The following RAB6B variants were observed in gnomAD, a reference collection of about 807,000 sequenced individuals.
RAB6B encodes the protein ras-related protein Rab-6B.
A neutral mutation model predicts 31.2 loss-of-function variants in RAB6B; 7 were observed. That is an observed-to-expected ratio of 0.22 (90% confidence interval 0.13 to 0.42). RAB6B has a LOEUF of 0.42. Ranked by LOEUF, RAB6B falls within the 10% of genes least tolerant of loss-of-function variation. The pLI, the probability that RAB6B is intolerant of heterozygous loss-of-function variation, is 1.00. For missense variants in RAB6B, 149 were observed against 280.6 expected (o/e 0.53, Z 3.35); for synonymous variants, 105 against 104.9 (o/e 1.00, Z -0.01).
At chr3:133,864,207 TAACCATTACAACCA>T (rs1559908253) in intron 2 of RAB6B, among the ~76,000 whole-genome samples, 235 of 151,620 alleles carry the variant, frequency 1.5e-3, no homozygotes, top group African/African-American at 5.6e-3. Flanking sequence ...CCAGCAAACA[TAACCATTACAACCA>T]TGCATGAGGC....
intron 4 of RAB6B, 88 bp downstream of exon 4, chr3:133,841,197 C>T (rs1321408001): frequency 7.4e-6 from 9 of 1,210,754 alleles, no homozygotes; most frequent in Non-Finnish European, 1.1e-5. Flanking sequence ...TGCGTGTGCA[C>T]ACACATGCAC....
At chr3:133,871,181 G>C (rs1345005904) in intron 1 of RAB6B, among the ~76,000 whole-genome samples, 2 of 152,250 alleles carry the variant, frequency 1.3e-5, no homozygotes, top group East Asian at 3.8e-4. Flanking sequence ...AATTTGTAGT[G>C]ACAAAGCAGA....
chr3:133,895,322 G>T, intron 1 of RAB6B, 75 bp downstream of exon 1: 2 of 1,490,042 alleles, frequency 1.3e-6, no homozygotes, highest in Non-Finnish European at 1.9e-6. Context: ...CTGGGCCGGG[G>T]GTCCCAATGG....
chr3:133,858,240 C>A (rs1026239161), intron 2 of RAB6B, among the ~76,000 whole-genome samples: 5 of 152,236 alleles, frequency 3.3e-5, no homozygotes, highest in African/African-American at 1.2e-4. Flanking sequence ...AAAATGTTTC[C>A]ATTTTAATTT....
chr3:133,852,649 AT>A (rs1039006808), intron 2 of RAB6B, among the ~76,000 whole-genome samples: 11 of 150,206 alleles, frequency 7.3e-5, no homozygotes, highest in Non-Finnish European at 1.5e-4. Context: ...TAAAAAAACA[AT>A]TTTCTTTTGT....
At chr3:133,836,394 C>CTCTAGAATCAGGTATGGGTT (rs1553745567) in intron 6 of RAB6B, among the ~76,000 whole-genome samples, 1 of 151,568 alleles carries the variant, frequency 6.6e-6, no homozygotes, top group Non-Finnish European at 1.5e-5. Flanking sequence ...TTGAAGGGTG[C>CTCTAGAATCAGGTATGGGTT]TCTAGGATCA....
intron 2 of RAB6B, among the ~76,000 whole-genome samples, chr3:133,855,328 C>T (rs187477371): frequency 9.2e-5 from 14 of 152,366 alleles, no homozygotes; most frequent in Admixed American, 2.0e-4. Context: ...GGCCACAGTA[C>T]GGGTACTTGC....
chr3:133,892,765 G>C (rs1208699223), intron 1 of RAB6B, among the ~76,000 whole-genome samples: 1 of 152,208 alleles, frequency 6.6e-6, no homozygotes, highest in African/African-American at 2.4e-5. Flanking sequence ...CATATAAAAA[G>C]AGCGAGCCAG....
At chr3:133,844,732 G>A (rs1935882971) in intron 2 of RAB6B, among the ~76,000 whole-genome samples, 1 of 152,150 alleles carries the variant, frequency 6.6e-6, no homozygotes, top group African/African-American at 2.4e-5. Context: ...GAGCCCAGGA[G>A]TTTGAAAGCA....
At chr3:133,885,714 C>T (rs1182802839) in intron 1 of RAB6B, 1 of 673,238 alleles carries the variant, frequency 1.5e-6, no homozygotes, top group Non-Finnish European at 2.7e-6. Context: ...AGCTTTGGTC[C>T]ATCTGCGTAC....
At chr3:133,867,426 C>G (rs1230384959) in intron 1 of RAB6B, among the ~76,000 whole-genome samples, 2 of 152,188 alleles carry the variant, frequency 1.3e-5, no homozygotes, top group Non-Finnish European at 2.9e-5. Context: ...TACCTCCCAG[C>G]CCTCAACTCT....
intron 1 of RAB6B, chr3:133,885,530 C>T: frequency 1.4e-6 from 1 of 703,008 alleles, no homozygotes; most frequent in Non-Finnish European, 2.6e-6. Flanking sequence ...GGGGAGCTCA[C>T]ACACCCAATG....
At position 133,877,034 on chromosome 3, in the gene RAB6B, T is replaced by C. The variant is rs548417842; in HGVS notation, c.71-12392A>G. ...CAACAATTTTCAAGCCACAGGATAT[T>C]AGGTAATGATGACCCCTGAGATACA... On this transcript the variant is annotated intron_variant, in intron 1 of 7. Transcript: ENST00000285208. 3.9e-4 allele frequency among the ~76,000 whole-genome samples: 59 copies of C among 152,168 alleles called. 1 individual carries two copies. The highest frequency in any genetic ancestry group is 1.3e-3 in the African/African-American group (52 of 41,528).
intron 2 of RAB6B, among the ~76,000 whole-genome samples, chr3:133,853,274 C>T (rs60288118): frequency 0.023 from 3,479 of 152,118 alleles, 125 homozygotes; most frequent in African/African-American, 0.078. Flanking sequence ...TGGGGATACA[C>T]ATGTGTATGT....
chr3:133,846,023 G>A (rs1051750734), intron 2 of RAB6B, among the ~76,000 whole-genome samples: 20 of 152,200 alleles, frequency 1.3e-4, no homozygotes, highest in African/African-American at 4.6e-4. Flanking sequence ...ACACTGCAGA[G>A]GAAAGCTCAG....
At chr3:133,894,179 C>A (rs1019148136) in intron 1 of RAB6B, among the ~76,000 whole-genome samples, 10 of 152,200 alleles carry the variant, frequency 6.6e-5, no homozygotes, top group African/African-American at 1.9e-4. Context: ...AGGCACCAAC[C>A]CAGGTGAACA....
chr3:133,840,446 C>A (rs1324379481), intron 4 of RAB6B, among the ~76,000 whole-genome samples: 2 of 152,208 alleles, frequency 1.3e-5, no homozygotes, highest in Non-Finnish European at 2.9e-5. Flanking sequence ...CCCTTGCGGG[C>A]CCAGCTCCCA....
chr3:133,882,387 G>A (rs150761412), intron 1 of RAB6B, among the ~76,000 whole-genome samples: 168 of 152,322 alleles, frequency 1.1e-3, no homozygotes, highest in African/African-American at 4.0e-3. Context: ...TCTGCACTCT[G>A]GGGAGGAGGC....
chr3:133,845,620 T>C (rs1935898505), intron 2 of RAB6B, among the ~76,000 whole-genome samples: 1 of 152,226 alleles, frequency 6.6e-6, no homozygotes, highest in Non-Finnish European at 1.5e-5. Context: ...TAACTAACCA[T>C]TCCCTAAAAA....
Sources: allele counts gnomAD v4.1 joint callset (sites outside exome capture counted in the v4.1 genomes callset), GRCh38; gene constraint gnomAD v4.1.1; transcripts MANE v1.5; gene names NCBI Gene and HGNC (gene_info 2026-07-23, HGNC 2026-07-21).